The following ZNRF2 variants were observed in gnomAD, a reference collection of about 807,000 sequenced individuals.
The protein encoded by ZNRF2 is zinc and ring finger 2.
Under a neutral mutation model 20.4 loss-of-function variants are expected in ZNRF2, and 16 were observed. The observed-to-expected ratio is 0.79, with a 90% CI of 0.53 to 1.19. The LOEUF is 1.19. Ranked by LOEUF, ZNRF2 falls within the 50% of genes most tolerant of loss-of-function variation. ZNRF2 has a pLI of 0.00. For synonymous variants in ZNRF2, 178 were observed against 144.9 expected, an observed-to-expected ratio of 1.23 and a Z score of -1.64; for missense variants, 363 against 332.4, an observed-to-expected ratio of 1.09 and a Z score of -0.72.
At chr7:30,320,385 G>T (rs963485252) in intron 1 of ZNRF2, among the ~76,000 whole-genome samples, 3 of 152,138 alleles carry the variant, frequency 2.0e-5, no homozygotes, top group Non-Finnish European at 4.4e-5. Context: ...ACAGGCTGTG[G>T]TTAAGTAAAT....
intron 2 of ZNRF2, among the ~76,000 whole-genome samples, chr7:30,333,931 C>T (rs1455214873): frequency 1.3e-5 from 2 of 152,026 alleles, no homozygotes; most frequent in East Asian, 3.9e-4. Context: ...ATATTTTCTC[C>T]CATTCTGTAG....
intron 1 of ZNRF2, among the ~76,000 whole-genome samples, chr7:30,287,494 A>G (rs1798813449): frequency 6.6e-6 from 1 of 152,232 alleles, no homozygotes; most frequent in African/African-American, 2.4e-5. Context: ...CCCTTTGAGA[A>G]ACATTATAGT....
intron 2 of ZNRF2, among the ~76,000 whole-genome samples, chr7:30,328,807 A>G (rs780714939): frequency 7.9e-5 from 12 of 152,334 alleles, no homozygotes; most frequent in Non-Finnish European, 8.8e-5. Context: ...AGAGATCCCA[A>G]TGGGACGCCC....
At chr7:30,311,681 C>G (rs1381353118) in intron 1 of ZNRF2, among the ~76,000 whole-genome samples, 1 of 152,120 alleles carries the variant, frequency 6.6e-6, no homozygotes, top group Non-Finnish European at 1.5e-5. Context: ...CCTTGTAGAA[C>G]CAGCCCTTCA....
At chr7:30,354,549 T>C (rs1256748447) in intron 2 of ZNRF2, among the ~76,000 whole-genome samples, 1 of 152,166 alleles carries the variant, frequency 6.6e-6, no homozygotes, top group Non-Finnish European at 1.5e-5. Context: ...CTCTTACAGA[T>C]AATGTACACA....
At chr7:30,346,438 C>T (rs1021006363) in intron 2 of ZNRF2, among the ~76,000 whole-genome samples, 3 of 152,028 alleles carry the variant, frequency 2.0e-5, no homozygotes, top group South Asian at 2.1e-4. Context: ...ATCCGCCTGC[C>T]TCGGTCTCCC....
intron 1 of ZNRF2, 151 bp downstream of exon 1, chr7:30,285,977 G>T (rs1455565754): frequency 7.6e-7 from 1 of 1,316,282 alleles, no homozygotes; most frequent in East Asian, 3.2e-5. Context: ...CTCCATCCTG[G>T]AAGAAACCCG....
chr7:30,287,363 TAGA>T (rs991134664), intron 1 of ZNRF2, among the ~76,000 whole-genome samples: 2 of 152,256 alleles, frequency 1.3e-5, no homozygotes, highest in Non-Finnish European at 2.9e-5. Flanking sequence ...TAGCAATTAT[TAGA>T]AGATGAATAT....
chr7:30,337,108 A>G (rs1799728683), intron 2 of ZNRF2, among the ~76,000 whole-genome samples: 2 of 152,230 alleles, frequency 1.3e-5, no homozygotes, highest in East Asian at 1.9e-4. Context: ...TTTTGGTAAT[A>G]TTTGCCTTGC....
At chr7:30,352,490 A>G (rs145481525) in intron 2 of ZNRF2, among the ~76,000 whole-genome samples, 1 of 152,206 alleles carries the variant, frequency 6.6e-6, no homozygotes, top group East Asian at 1.9e-4. Context: ...TGAATAAGAC[A>G]AGGCATTAAA....
chr7:30,297,918 G>A (rs2893370), intron 1 of ZNRF2, among the ~76,000 whole-genome samples: 8 of 151,984 alleles, frequency 5.3e-5, no homozygotes, highest in African/African-American at 1.9e-4. Context: ...AGGTTGGAGT[G>A]TAGTCGTGTG....
At chr7:30,339,249 T>C (rs1217913076) in intron 2 of ZNRF2, among the ~76,000 whole-genome samples, 1 of 152,234 alleles carries the variant, frequency 6.6e-6, no homozygotes, top group African/African-American at 2.4e-5. Context: ...TTTCTTTTGC[T>C]GTGCAGAAGC....
intron 1 of ZNRF2, among the ~76,000 whole-genome samples, chr7:30,317,255 G>A (rs1331699943): frequency 6.6e-6 from 1 of 152,134 alleles, no homozygotes; most frequent in African/African-American, 2.4e-5. Flanking sequence ...GTGATCAGAT[G>A]TAACACGCAG....
At chr7:30,364,207 A>T (rs1197884486) in intron 4 of ZNRF2, among the ~76,000 whole-genome samples, 1 of 152,234 alleles carries the variant, frequency 6.6e-6, no homozygotes, top group Non-Finnish European at 1.5e-5. Flanking sequence ...AAGATTTGAG[A>T]TAATAGCAGC....
At chr7:30,365,433 G>C (rs1800198069) in intron 4 of ZNRF2, among the ~76,000 whole-genome samples, 1 of 152,048 alleles carries the variant, frequency 6.6e-6, no homozygotes, top group African/African-American at 2.4e-5. Context: ...CTGTTAATCA[G>C]GTGTCTACAG....
chr7:30,287,673 T>C (rs1250159265), intron 1 of ZNRF2, among the ~76,000 whole-genome samples: 1 of 152,004 alleles, frequency 6.6e-6, no homozygotes, highest in African/African-American at 2.4e-5. Flanking sequence ...ATAGTTCTTT[T>C]AGTGCTGTTG....
At chr7:30,299,722 G>A (rs1208094072) in intron 1 of ZNRF2, among the ~76,000 whole-genome samples, 1 of 150,394 alleles carries the variant, frequency 6.6e-6, no homozygotes, top group Non-Finnish European at 1.5e-5. Context: ...GTGATTTTGT[G>A]ATGGAGGCTG....
In ZNRF2 at chr7:30,300,079, C is replaced by T. The variant is rs145862938; in HGVS notation, c.469+14253C>T. Among the ~76,000 whole-genome samples the T allele has an allele frequency of 2.9e-4, 44 of 150,892 alleles. No individual in the cohort carries two copies. The East Asian group carries it at 7.4e-3, about 25-fold the overall frequency. On this transcript the variant is annotated intron_variant, in intron 1 of 4. Coordinates refer to ENST00000323037, the MANE Select transcript of ZNRF2 (RefSeq NM_147128.4). ...GATTACAGGCGTGAGCCATCCCGGCCGTAAAACCTGCTTTTTCTCCATAAC... is the reference window on the plus strand; with the variant it reads ...GATTACAGGCGTGAGCCATCCCGGCTGTAAAACCTGCTTTTTCTCCATAAC...
In ZNRF2 at chr7:30,285,549, CGCCGCGGCG is replaced by C. The variant is rs1304693741; in HGVS notation, c.205_213del (p.Ala69_Ala71del). The C allele has an allele frequency of 2.6e-3, 2,520 of 976,988 alleles. 6 individuals carry two copies. The highest frequency in any genetic ancestry group is 7.0e-3 in the South Asian group (153 of 21,846). 60.5% of individuals were successfully genotyped at this position (976,988 alleles called of 1,614,324 possible). ...CGCACCAGCCCAGCGCCTCCGGCGG[CGCCGCGGCG>C]GCCGCGGCGGCCCCGGCAGCCCCGG... On this transcript the variant is annotated inframe_deletion, in exon 1 of 5. Coordinates refer to ENST00000323037, the MANE Select transcript of ZNRF2 (RefSeq NM_147128.4).
Sources: allele counts gnomAD v4.1 joint callset (sites outside exome capture counted in the v4.1 genomes callset), GRCh38; gene constraint gnomAD v4.1.1; transcripts MANE v1.5; gene names NCBI Gene and HGNC (gene_info 2026-07-23, HGNC 2026-07-21).